The following ZNF676 variants were observed in gnomAD, a reference collection of about 807,000 sequenced individuals.
ZNF676 encodes the protein zinc finger protein 676.
A neutral mutation model predicts 6.0 loss-of-function variants in ZNF676; 4 were observed. That is an observed-to-expected ratio of 0.67 (90% CI 0.33 to 1.53). ZNF676 has a LOEUF of 1.53. Ranked by LOEUF, ZNF676 falls within the 40% of genes most tolerant of loss-of-function variation. The pLI is 0.06. For missense variants in ZNF676, 644 were observed against 679.7 expected, an observed-to-expected ratio of 0.95 and a Z score of 0.58; for synonymous variants, 198 against 223.1, an observed-to-expected ratio of 0.89 and a Z score of 1.00.
chr19:22,181,117 T>C lies in ZNF676; in HGVS notation c.600A>G (p.Glu200=). The C allele has an allele frequency of 1.2e-6, 2 of 1,613,812 alleles. No homozygotes were observed. The change falls in exon 3 of 3, where the codon GAA becomes GAG. Residue 200 remains glutamate, a synonymous_variant. Transcript: ENST00000397121. ...ACTTACTAAAGGCTTTGCCACATTC[T>C]TCACATTTGTAGGGTTTCTCTCCAG... ...IHTGEKPYKC[E]ECGKAFSKFS...
intron 1 of ZNF676, among the ~76,000 whole-genome samples, chr19:22,209,226 C>A (rs2144815542): frequency 6.6e-6 from 1 of 152,062 alleles, no homozygotes; most frequent in East Asian, 1.9e-4. Flanking sequence ...CATGCCACTG[C>A]ACTCCAGCCT....
intron 1 of ZNF676, among the ~76,000 whole-genome samples, chr19:22,202,287 A>G (rs2024033951): frequency 1.3e-5 from 2 of 152,102 alleles, no homozygotes; most frequent in South Asian, 4.1e-4. Flanking sequence ...TCATTGAAAG[A>G]GGTAAAACGG....
the ZNF676 span, among the ~76,000 whole-genome samples, chr19:22,241,141 C>T: frequency 6.6e-6 from 1 of 151,928 alleles, no homozygotes; most frequent in Admixed American, 6.5e-5. Context: ...GTCATAATCC[C>T]TACTGGGGGC....
the ZNF676 span, among the ~76,000 whole-genome samples, chr19:22,252,212 T>A: frequency 2.9e-3 from 438 of 151,930 alleles, 2 homozygotes; most frequent in African/African-American, 0.01. Flanking sequence ...TTGGCCAACA[T>A]GGTAAAACCC....
the ZNF676 span, among the ~76,000 whole-genome samples, chr19:22,257,038 G>A: frequency 6.6e-6 from 1 of 152,000 alleles, no homozygotes; most frequent in African/African-American, 2.4e-5. Flanking sequence ...GTCCAGCAAT[G>A]TGTCACAATA....
the ZNF676 span, among the ~76,000 whole-genome samples, chr19:22,222,111 T>C: frequency 6.6e-6 from 1 of 152,022 alleles, no homozygotes; most frequent in Non-Finnish European, 1.5e-5. Context: ...AAAATATATT[T>C]TTTTTTTCTT....
At chr19:22,201,077 G>A (rs1420945911), upstream of ZNF676, among the ~76,000 whole-genome samples, 3 of 152,242 alleles carry the variant, frequency 2.0e-5, no homozygotes, top group Admixed American at 6.5e-5. Context: ...AATAAAAAAT[G>A]GAACTACTTT....
chr19:22,188,501 T>C (rs2023866555), intron 2 of ZNF676, among the ~76,000 whole-genome samples: 2 of 152,176 alleles, frequency 1.3e-5, no homozygotes, highest in South Asian at 2.1e-4. Context: ...GTATTGGAAG[T>C]TCTGGTGAGG....
In ZNF676 at chr19:22,181,601, A is replaced by G. The variant is rs1374552826; in HGVS notation, c.131-15T>C. On this transcript the variant is annotated splice_polypyrimidine_tract_variant and intron_variant, in intron 2 of 2. Coordinates refer to ENST00000397121, the MANE Select transcript of ZNF676 (RefSeq NM_001001411.3). ...AGAACATATAACTGAAAAGAAATAA[A>G]AATAACAAATTAATCTACATATTAG... 4 of 1,502,712 alleles carry G rather than the reference A, an allele frequency of 2.7e-6. No individual in the cohort carries two copies. In the Admixed American group the frequency reaches 7.2e-5, roughly 27 times the overall value. The allele number at this position is 1,502,712 out of a possible 1,614,324, so 93.1% of individuals were successfully genotyped here.
At chr19:22,254,434 G>A in the ZNF676 span, among the ~76,000 whole-genome samples, 4 of 152,186 alleles carry the variant, frequency 2.6e-5, no homozygotes, top group Admixed American at 6.5e-5. Flanking sequence ...GCAGGGCACA[G>A]GCAGGAGCCT....
intron 2 of ZNF676, among the ~76,000 whole-genome samples, chr19:22,192,624 G>C (rs1453423182): frequency 5.3e-5 from 8 of 152,002 alleles, no homozygotes; most frequent in Non-Finnish European, 1.2e-4. Flanking sequence ...CAATGATACA[G>C]AAACCACTAC....
At chr19:22,191,610 T>C (rs912108458) in intron 2 of ZNF676, among the ~76,000 whole-genome samples, 8 of 152,124 alleles carry the variant, frequency 5.3e-5, no homozygotes, top group African/African-American at 1.9e-4. Context: ...CACATCCTAA[T>C]ATAAAGCCCA....
Position 22,180,049 on chromosome 19 carries a change from A to G in ZNF676, c.1668T>C (p.Thr556=). Residue 556 remains threonine (T), a synonymous_variant, in exon 3 of 3, where the codon ACT becomes ACC. Transcript: ENST00000397121. ...CTTCACATTTGTAGGGTTTCTCTCC[A>G]GTATGAATTCTCTTGTGTCTAGTAA... ...SSLTRHKRIH[T]GEKPYKCEEC... The G allele has an allele frequency of 6.2e-7, 1 of 1,613,884 alleles. No individual in the cohort carries two copies. Among genetic ancestry groups the G allele is most frequent in the Non-Finnish European group, 8.5e-7 (1 of 1,179,844 alleles).
At chr19:22,210,881 C>T (rs931688995) in intron 1 of ZNF676, among the ~76,000 whole-genome samples, 1 of 152,146 alleles carries the variant, frequency 6.6e-6, no homozygotes, top group Non-Finnish European at 1.5e-5. Context: ...GATTCAGTGT[C>T]TGAAGAACAC....
chr19:22,217,706 G>A (rs2024207913), upstream of ZNF676, among the ~76,000 whole-genome samples: 2 of 150,012 alleles, frequency 1.3e-5, no homozygotes, highest in Admixed American at 1.3e-4. Context: ...TTGTTTGTTT[G>A]TTTGTTTGTT....
chr19:22,238,672 G>GTTAA, the ZNF676 span, among the ~76,000 whole-genome samples: 1 of 152,152 alleles, frequency 6.6e-6, no homozygotes, highest in East Asian at 1.9e-4. Flanking sequence ...ATACATATAT[G>GTTAA]TTAATTAAGT....
chr19:22,193,743 C>T (rs548113272), intron 1 of ZNF676, among the ~76,000 whole-genome samples: 2 of 152,192 alleles, frequency 1.3e-5, no homozygotes, highest in South Asian at 2.1e-4. Context: ...ACCTTTAGGA[C>T]CTTGTGCTTT....
chr19:22,239,156 G>C, the ZNF676 span, among the ~76,000 whole-genome samples: 1 of 150,844 alleles, frequency 6.6e-6, no homozygotes, highest in Non-Finnish European at 1.5e-5. Context: ...CATTCTACCT[G>C]TGGGCAGATT....
intron 2 of ZNF676, among the ~76,000 whole-genome samples, chr19:22,187,549 C>T (rs1033694613): frequency 6.6e-6 from 1 of 151,192 alleles, no homozygotes; most frequent in East Asian, 1.9e-4. Context: ...ACACAAAAAA[C>T]CCTTCAAAAA....
Sources: allele counts gnomAD v4.1 joint callset (sites outside exome capture counted in the v4.1 genomes callset), GRCh38; gene constraint gnomAD v4.1.1; transcripts MANE v1.5; gene names NCBI Gene and HGNC (gene_info 2026-07-23, HGNC 2026-07-21).